The following ROBO1 variants were observed in gnomAD, a reference collection of about 807,000 sequenced individuals.
ROBO1 encodes roundabout guidance receptor 1, also known as roundabout homolog 1.
A neutral mutation model predicts 195.9 loss-of-function variants in ROBO1; 149 were observed. The observed-to-expected ratio is 0.76, with a 90% CI of 0.67 to 0.87. The LOEUF is 0.87. ROBO1 is among the 40% of genes least tolerant of loss of function. The pLI is 0.00. For synonymous variants in ROBO1, 816 were observed against 733.2 expected (o/e 1.11, Z -1.82); for missense variants, 1,933 against 2,068.3 (o/e 0.93, Z 1.27).
intron 1 of ROBO1, among the ~76,000 whole-genome samples, chr3:79,611,699 G>A (rs1278463301): frequency 6.6e-6 from 1 of 152,094 alleles, no homozygotes; most frequent in African/African-American, 2.4e-5. Context: ...AGAACACATG[G>A]ACACAGGGAG....
At chr3:78,877,217 A>C (rs2035906936) in intron 4 of ROBO1, among the ~76,000 whole-genome samples, 1 of 152,220 alleles carries the variant, frequency 6.6e-6, no homozygotes, top group South Asian at 2.1e-4. Context: ...CCACATTTTA[A>C]AGTATAATAA....
intron 3 of ROBO1, among the ~76,000 whole-genome samples, chr3:78,978,953 G>A (rs1324211256): frequency 2.0e-5 from 3 of 152,148 alleles, no homozygotes; most frequent in Non-Finnish European, 2.9e-5. Flanking sequence ...CAGGGCAGAA[G>A]TATTTATTTA....
chr3:79,623,958 T>C (rs1446172788), intron 1 of ROBO1, among the ~76,000 whole-genome samples: 1 of 152,134 alleles, frequency 6.6e-6, no homozygotes, highest in Non-Finnish European at 1.5e-5. Context: ...AAAGGCCTGG[T>C]CACCTACAAA....
chr3:79,716,522 A>G (rs1339019964), intron 1 of ROBO1, among the ~76,000 whole-genome samples: 4 of 151,990 alleles, frequency 2.6e-5, no homozygotes, highest in African/African-American at 9.7e-5. Context: ...TATTTAACGA[A>G]ACAATACTAT....
intron 3 of ROBO1, among the ~76,000 whole-genome samples, chr3:79,039,234 G>A (rs577112920): frequency 6.6e-6 from 1 of 152,286 alleles, no homozygotes; most frequent in South Asian, 2.1e-4. Context: ...GAGTTAGATT[G>A]GAGGTACTTT....
At chr3:78,899,663 A>G (rs2037465331) in intron 4 of ROBO1, among the ~76,000 whole-genome samples, 1 of 152,194 alleles carries the variant, frequency 6.6e-6, no homozygotes, top group African/African-American at 2.4e-5. Context: ...AATATTAAAC[A>G]TCGTTCTTTC....
intron 2 of ROBO1, among the ~76,000 whole-genome samples, chr3:79,505,342 AAG>A (rs1940333072): frequency 6.6e-6 from 1 of 152,200 alleles, no homozygotes. Context: ...GAGAAAGAGA[AAG>A]AGATTTCATC....
chr3:78,738,363 A>T (rs1363097420), intron 5 of ROBO1, among the ~76,000 whole-genome samples: 1 of 152,178 alleles, frequency 6.6e-6, no homozygotes, highest in African/African-American at 2.4e-5. Context: ...CCTCGTCAGC[A>T]TGGGAATGGG....
intron 2 of ROBO1, among the ~76,000 whole-genome samples, chr3:79,505,028 G>GAAA (rs34568321): frequency 1.2e-4 from 18 of 149,198 alleles, no homozygotes; most frequent in African/African-American, 2.7e-4. Flanking sequence ...ATACCTCCCT[G>GAAA]AAAAAAAAAA....
At chr3:79,745,087 T>A (rs950670508) in intron 1 of ROBO1, among the ~76,000 whole-genome samples, 1 of 152,176 alleles carries the variant, frequency 6.6e-6, no homozygotes. Flanking sequence ...AAGGTGCCTC[T>A]GTAAGCCTCC....
chr3:79,379,107 CATGT>C (rs1339964280), intron 2 of ROBO1, among the ~76,000 whole-genome samples: 1 of 130,398 alleles, frequency 7.7e-6, no homozygotes, highest in Non-Finnish European at 1.9e-5. Context: ...GAACATTACA[CATGT>C]ACACTACACA....
intron 2 of ROBO1, among the ~76,000 whole-genome samples, chr3:79,392,678 A>T (rs1048114593): frequency 4.9e-4 from 75 of 152,330 alleles, no homozygotes; most frequent in African/African-American, 1.8e-3. Context: ...GACCTATTAC[A>T]TCACCCAACT....
chr3:78,705,600 A>G (rs1045412187), intron 8 of ROBO1, among the ~76,000 whole-genome samples: 4 of 152,162 alleles, frequency 2.6e-5, no homozygotes, highest in African/African-American at 9.7e-5. Context: ...TGAGTGGGTT[A>G]GGGGATGTCC....
chr3:79,745,841 C>CT (rs1271551352), intron 1 of ROBO1, among the ~76,000 whole-genome samples: 1 of 151,962 alleles, frequency 6.6e-6, no homozygotes, highest in Non-Finnish European at 1.5e-5. Flanking sequence ...TTAGTTTATT[C>CT]TTTTTTTCTT....
chr3:79,575,085 A>C (rs962243085), intron 2 of ROBO1, among the ~76,000 whole-genome samples: 5 of 144,102 alleles, frequency 3.5e-5, no homozygotes, highest in African/African-American at 1.0e-4. Flanking sequence ...TTTTTAAACA[A>C]GGAAATGAAA....
chr3:79,422,449 G>T lies in ROBO1; in HGVS notation c.88+167375C>A, dbSNP rs2038265499. Among the ~76,000 whole-genome samples the T allele has an allele frequency of 2.0e-5, 3 of 152,136 alleles. No homozygotes were observed. The South Asian group carries it at 6.2e-4, about 32-fold the overall frequency. ...AATATACTACGTAACATTGCAAAGG[G>T]AAATTGACAAACATTTATTAAAACT... On this transcript the variant is annotated intron_variant, in intron 2 of 30. Transcript: ENST00000464233.
At chr3:79,056,490 G>A (rs1261041191) in intron 3 of ROBO1, among the ~76,000 whole-genome samples, 4 of 152,074 alleles carry the variant, frequency 2.6e-5, no homozygotes, top group East Asian at 3.9e-4. Context: ...AAGGGTGGTC[G>A]ATAAACAACG....
intron 2 of ROBO1, among the ~76,000 whole-genome samples, chr3:79,470,126 C>T (rs1262607356): frequency 6.6e-6 from 1 of 152,082 alleles, no homozygotes; most frequent in African/African-American, 2.4e-5. Flanking sequence ...TTTATTGCAG[C>T]ACTATTCACA....
At chr3:79,684,143 T>G (rs931123469) in intron 1 of ROBO1, among the ~76,000 whole-genome samples, 1 of 152,284 alleles carries the variant, frequency 6.6e-6, no homozygotes, top group African/African-American at 2.4e-5. Flanking sequence ...ATAGCCAAAC[T>G]TATGCACTTT....
Sources: gnomAD v4.1 joint callset for allele counts (sites outside exome capture counted in the v4.1 genomes callset) on GRCh38, gnomAD v4.1.1 for gene constraint, MANE v1.5 for transcripts, NCBI Gene and HGNC (gene_info 2026-07-23, HGNC 2026-07-21) for gene names.